The following GABRB1 variants were observed in gnomAD, a reference collection of about 807,000 sequenced individuals.
GABRB1 encodes gamma-aminobutyric acid type A receptor subunit beta1, also known as gamma-aminobutyric acid receptor subunit beta-1.
Under a neutral mutation model 51.6 loss-of-function variants are expected in GABRB1, and 17 were observed. The observed-to-expected ratio is 0.33, with a 90% CI of 0.23 to 0.49. The LOEUF (loss-of-function observed/expected upper bound fraction) is 0.49. Among genes scored for constraint, GABRB1 ranks in the 20% least tolerant of loss-of-function variants. The pLI is 0.99. For synonymous variants in GABRB1, 247 were observed against 218.9 expected, an observed-to-expected ratio of 1.13 and a Z score of -1.14; for missense variants, 410 against 600.6, an observed-to-expected ratio of 0.68 and a Z score of 3.32.
At chr4:47,297,432 A>C (rs564330557) in intron 4 of GABRB1, among the ~76,000 whole-genome samples, 1 of 151,788 alleles carries the variant, frequency 6.6e-6, no homozygotes, top group Non-Finnish European at 1.5e-5. Flanking sequence ...GGATATCACC[A>C]CCAATCCCAC....
intron 4 of GABRB1, among the ~76,000 whole-genome samples, chr4:47,219,963 C>T (rs1047766423): frequency 1.3e-5 from 2 of 151,906 alleles, no homozygotes; most frequent in African/African-American, 4.8e-5. Context: ...TTGAACTCAT[C>T]AGAAGTTTAG....
intron 3 of GABRB1, among the ~76,000 whole-genome samples, chr4:47,130,719 G>A (rs934005212): frequency 2.0e-5 from 3 of 152,136 alleles, no homozygotes; most frequent in African/African-American, 7.2e-5. Flanking sequence ...GTAGGTCGCA[G>A]GGATCATGAG....
chr4:47,275,747 C>T (rs1723050971), intron 4 of GABRB1, among the ~76,000 whole-genome samples: 1 of 152,072 alleles, frequency 6.6e-6, no homozygotes, highest in Admixed American at 6.6e-5. Context: ...CATTTGCCAG[C>T]CTCCCAGAAT....
intron 1 of GABRB1, among the ~76,000 whole-genome samples, chr4:47,013,443 T>C (rs1279830494): frequency 6.6e-6 from 1 of 152,096 alleles, no homozygotes; most frequent in Admixed American, 6.6e-5. Flanking sequence ...ACAGGACTGA[T>C]CCACTGTGCC....
intron 3 of GABRB1, among the ~76,000 whole-genome samples, chr4:47,142,189 A>T (rs1386759271): frequency 1.3e-5 from 2 of 151,900 alleles, no homozygotes; most frequent in Non-Finnish European, 2.9e-5. Flanking sequence ...ATGAAAGGAC[A>T]TCCAAATTCA....
At chr4:47,095,829 T>C (rs927077488) in intron 3 of GABRB1, among the ~76,000 whole-genome samples, 2 of 152,234 alleles carry the variant, frequency 1.3e-5, no homozygotes, top group East Asian at 3.9e-4. Context: ...TCGGTAGTCT[T>C]TACCTGGAAT....
intron 4 of GABRB1, among the ~76,000 whole-genome samples, chr4:47,230,375 G>T (rs1389577684): frequency 6.6e-6 from 1 of 152,084 alleles, no homozygotes; most frequent in African/African-American, 2.4e-5. Context: ...TCTGGAAAGT[G>T]ATTTGAAAAA....
rs190021558 is a variant in GABRB1, at chr4:47,185,596, C to T, written c.461+24127C>T. ...TGGTATGGTGTATTATCAAGCAGAGCGATGGAATCATTCAAAACTATACTT... is the reference window on the plus strand; with the variant it reads ...TGGTATGGTGTATTATCAAGCAGAGTGATGGAATCATTCAAAACTATACTT... On this transcript the variant is annotated intron_variant, in intron 4 of 8. Coordinates refer to ENST00000295454, the MANE Select transcript of GABRB1 (RefSeq NM_000812.4). Among the ~76,000 whole-genome samples, 23 of 151,858 alleles carry T rather than the reference C, an allele frequency of 1.5e-4. No homozygotes were observed. In the East Asian group the frequency reaches 1.5e-3, roughly 10 times the overall value.
At chr4:47,031,414 C>G, upstream of GABRB1, 2 of 555,970 alleles carry the variant, frequency 3.6e-6, no homozygotes, top group East Asian at 6.1e-5. Flanking sequence ...TGCGTGGAAA[C>G]AGCAGCTTGT....
chr4:47,146,590 C>T (rs960713849), intron 3 of GABRB1, among the ~76,000 whole-genome samples: 16 of 152,046 alleles, frequency 1.1e-4, no homozygotes, highest in Middle Eastern at 3.4e-3. Context: ...GAATTAATAG[C>T]GTAATAATCT....
At chr4:47,206,589 T>C (rs1404527141) in intron 4 of GABRB1, among the ~76,000 whole-genome samples, 3 of 152,032 alleles carry the variant, frequency 2.0e-5, no homozygotes, top group African/African-American at 4.8e-5. Context: ...TATTTCATTA[T>C]TTCATTTAAT....
Position 47,193,172 on chromosome 4 carries a change from C to T in GABRB1, c.461+31703C>T, listed in dbSNP as rs371858075. 7.2e-5 allele frequency among the ~76,000 whole-genome samples: 11 copies of T among 152,104 alleles called. No homozygotes were observed. The East Asian group carries it at 9.6e-4, about 13-fold the overall frequency. On this transcript the variant is annotated intron_variant, in intron 4 of 8. Coordinates refer to ENST00000295454, the MANE Select transcript of GABRB1 (RefSeq NM_000812.4). ...TTTCTATTTTGTTCTGTTATTAAGA[C>T]GGAGTTTCACTCTTGTTGCTCAGGC...
chr4:47,353,464 C>A (rs1726438673), intron 5 of GABRB1, among the ~76,000 whole-genome samples: 1 of 152,122 alleles, frequency 6.6e-6, no homozygotes, highest in Non-Finnish European at 1.5e-5. Flanking sequence ...AATGCTTTTG[C>A]AAATCTTGGT....
intron 4 of GABRB1, among the ~76,000 whole-genome samples, chr4:47,295,819 A>G (rs1007251722): frequency 6.6e-6 from 1 of 152,170 alleles, no homozygotes; most frequent in Non-Finnish European, 1.5e-5. Flanking sequence ...GATTCACCAA[A>G]GTTGAAATGA....
At chr4:47,219,881 G>T (rs1343946459) in intron 4 of GABRB1, among the ~76,000 whole-genome samples, 5 of 151,654 alleles carry the variant, frequency 3.3e-5, no homozygotes, top group African/African-American at 1.2e-4. Context: ...AGTTCTTTCA[G>T]ATTACCACAT....
At chr4:47,235,558 C>CAA (rs548926482) in intron 4 of GABRB1, among the ~76,000 whole-genome samples, 33 of 137,908 alleles carry the variant, frequency 2.4e-4, no homozygotes, top group Non-Finnish European at 2.7e-4. Context: ...AAAAAAAAAC[C>CAA]AAAAAAAAAA....
At chr4:47,147,975 T>C (rs377374936) in intron 3 of GABRB1, among the ~76,000 whole-genome samples, 13 of 152,204 alleles carry the variant, frequency 8.5e-5, no homozygotes, top group African/African-American at 2.2e-4. Flanking sequence ...AACATGATCA[T>C]ATTTGCAATT....
At chr4:47,401,953 C>T (rs746461746) in intron 5 of GABRB1, among the ~76,000 whole-genome samples, 2 of 152,140 alleles carry the variant, frequency 1.3e-5, no homozygotes, top group Non-Finnish European at 2.9e-5. Context: ...TAGAATCAGT[C>T]TTACAGAATC....
intron 4 of GABRB1, among the ~76,000 whole-genome samples, chr4:47,262,141 T>C (rs1236342400): frequency 6.6e-6 from 1 of 151,362 alleles, no homozygotes; most frequent in Non-Finnish European, 1.5e-5. Flanking sequence ...GGGCAAGGAC[T>C]TCATGTCTAA....
Sources: allele counts gnomAD v4.1 joint callset (sites outside exome capture counted in the v4.1 genomes callset), GRCh38; gene constraint gnomAD v4.1.1; transcripts MANE v1.5; gene names NCBI Gene and HGNC (gene_info 2026-07-23, HGNC 2026-07-21).